Variants in E2F3 observed in about 807,000 individuals in gnomAD.
E2F3 encodes E2F transcription factor 3.
E2F3 carries 11 observed loss-of-function variants against 44.4 expected under a neutral mutation model. The observed-to-expected ratio is 0.25, with a 90% CI of 0.16 to 0.41. The LOEUF (loss-of-function observed/expected upper bound fraction) is 0.41, where lower values mean the gene tolerates loss of function less well. Among genes scored for constraint, E2F3 ranks in the 10% least tolerant of loss-of-function variants. The pLI is 1.00. For missense variants in E2F3, 487 were observed against 583.6 expected (o/e 0.83, Z 1.70); for synonymous variants, 249 against 253.0 (o/e 0.98, Z 0.15).
At chr6:20,425,575 G>C (rs1433224470) in intron 1 of E2F3, among the ~76,000 whole-genome samples, 1 of 152,128 alleles carries the variant, frequency 6.6e-6, no homozygotes, top group Non-Finnish European at 1.5e-5. Flanking sequence ...TTTTAGTAGA[G>C]ACGGGGTTTC....
intron 1 of E2F3, among the ~76,000 whole-genome samples, chr6:20,434,971 C>T (rs1241168980): frequency 1.3e-5 from 2 of 152,226 alleles, no homozygotes; most frequent in African/African-American, 2.4e-5. Context: ...AGGAACATGG[C>T]GCCAGGGCCG....
chr6:20,473,688 C>T (rs1307941789), intron 1 of E2F3, among the ~76,000 whole-genome samples: 2 of 152,136 alleles, frequency 1.3e-5, no homozygotes, highest in Admixed American at 6.5e-5. Flanking sequence ...TCAGCCTTTC[C>T]CCAGCTCTTC....
At chr6:20,480,081 T>G (rs1762172028) in intron 2 of E2F3, 124 bp downstream of exon 2, 1 of 1,433,774 alleles carries the variant, frequency 7.0e-7, no homozygotes, top group Non-Finnish European at 9.1e-7. Flanking sequence ...TTTCATTTCT[T>G]TCTGTGCTTA....
Position 20,490,212 on chromosome 6 carries a change from A to G in E2F3, c.1180A>G (p.Met394Val), listed in dbSNP as rs115470365. ...NSGHSDCSVS[M>V]GNLSPLASPA... ...AGGACATAGCGATTGCTCAGTTTCT[A>G]TGGGAAACCTTTCTCCTCTGGCCTC... The change falls in exon 7 of 7, where the codon ATG (methionine) becomes GTG (valine). Residue 394 changes from methionine to valine, a missense_variant. Transcript: ENST00000346618. The surrounding 1 kb of genome is among the most constrained non-coding windows in gnomAD (Gnocchi z 4.3). 37 of 1,613,820 alleles carry G rather than the reference A, an allele frequency of 2.3e-5. No individual in the cohort carries two copies. Among genetic ancestry groups the G allele is most frequent in the Middle Eastern group, 1.6e-4 (1 of 6,082 alleles).
chr6:20,446,136 CT>C (rs1014429582), intron 1 of E2F3, among the ~76,000 whole-genome samples: 18 of 149,750 alleles, frequency 1.2e-4, no homozygotes, highest in Non-Finnish European at 2.1e-4. Flanking sequence ...GCCAGGAATC[CT>C]TTTTTTTTTC....
chr6:20,450,384 C>CT (rs1161434060), intron 1 of E2F3, among the ~76,000 whole-genome samples: 1 of 152,068 alleles, frequency 6.6e-6, no homozygotes, highest in African/African-American at 2.4e-5. Flanking sequence ...TGACATTGAG[C>CT]TTTTTTTCAT....
At chr6:20,436,388 GGAA>G (rs1458970920) in intron 1 of E2F3, among the ~76,000 whole-genome samples, 4 of 151,850 alleles carry the variant, frequency 2.6e-5, no homozygotes, top group Non-Finnish European at 4.4e-5. Flanking sequence ...GGGCCACGTT[GGAA>G]GAAGACTTCT....
intron 1 of E2F3, among the ~76,000 whole-genome samples, chr6:20,408,437 A>G (rs551808841): frequency 3.5e-4 from 53 of 152,314 alleles, no homozygotes; most frequent in South Asian, 1.0e-3. Context: ...TCTAAAAGCA[A>G]TGTGTTTTTG....
chr6:20,492,714 AT>A lies in E2F3; in HGVS notation c.*2285del, dbSNP rs1762587166. The A allele has an allele frequency of 4.3e-6, 1 of 231,306 alleles. No individual in the cohort carries two copies. Among genetic ancestry groups the A allele is most frequent in the African/African-American group, 2.2e-5 (1 of 45,334 alleles). 14.3% of individuals were successfully genotyped at this position (231,306 alleles called of 1,614,324 possible). A position where few individuals can be genotyped will look rare whatever the true frequency, so the allele number is the denominator to read the frequency against. On this transcript the variant is annotated 3_prime_UTR_variant, in exon 7 of 7. Coordinates refer to ENST00000346618, the MANE Select transcript of E2F3 (RefSeq NM_001949.5). Reference sequence around the variant, plus strand: ...TGTTTTTAAAATGAAAGGAATACTAATAAGTCTTAAAAGTTCCTTCATGCAT... The same window carrying A: ...TGTTTTTAAAATGAAAGGAATACTAAAAGTCTTAAAAGTTCCTTCATGCAT...
Position 20,490,475 on chromosome 6 carries a change from C to G in E2F3, c.*45C>G, listed in dbSNP as rs191550792. 5.0e-5 allele frequency: 76 copies of G among 1,516,496 alleles called. No homozygotes were observed. Among genetic ancestry groups the G allele is most frequent in the Non-Finnish European group, 6.5e-5 (73 of 1,130,486 alleles). The allele number at this position is 1,516,496 out of a possible 1,614,324, so 93.9% of individuals were successfully genotyped here. ...TCCTTAAAAACCGATATTTTTTTAT[C>G]ATGGAACCAGAACATCTGTCATGCA... On this transcript the variant is annotated 3_prime_UTR_variant, in exon 7 of 7. Coordinates refer to ENST00000346618, the MANE Select transcript of E2F3 (RefSeq NM_001949.5). The surrounding 1 kb of genome is among the most constrained non-coding windows in gnomAD (Gnocchi z 4.3).
intron 1 of E2F3, among the ~76,000 whole-genome samples, chr6:20,407,331 T>C (rs1055553036): frequency 1.3e-5 from 2 of 152,086 alleles, no homozygotes; most frequent in African/African-American, 4.8e-5. Context: ...ACTCTAATCA[T>C]CCTCTGAAAC....
intron 1 of E2F3, among the ~76,000 whole-genome samples, chr6:20,427,442 G>A (rs1408715795): frequency 1.3e-5 from 2 of 152,130 alleles, no homozygotes; most frequent in Non-Finnish European, 2.9e-5. Flanking sequence ...GTTACATTGG[G>A]GTTTGCAGTG....
intron 1 of E2F3, among the ~76,000 whole-genome samples, chr6:20,419,282 T>C (rs1301627580): frequency 1.3e-5 from 2 of 152,244 alleles, no homozygotes; most frequent in Non-Finnish European, 2.9e-5. Context: ...TGGATATCTA[T>C]GTACATAAGT....
intron 1 of E2F3, among the ~76,000 whole-genome samples, chr6:20,465,141 A>T (rs1050226898): frequency 6.6e-6 from 1 of 152,182 alleles, no homozygotes; most frequent in Non-Finnish European, 1.5e-5. Context: ...CACCTCCCAG[A>T]CGATTTTCCC....
intron 1 of E2F3, among the ~76,000 whole-genome samples, chr6:20,408,837 G>T (rs568722821): frequency 1.3e-5 from 2 of 152,336 alleles, no homozygotes; most frequent in Non-Finnish European, 2.9e-5. Flanking sequence ...GGGGCCATTT[G>T]TGTGGTCTAG....
At chr6:20,487,962 A>G in intron 5 of E2F3, 151 bp from the exon 6 acceptor site, 1 of 1,071,362 alleles carries the variant, frequency 9.3e-7, no homozygotes, top group East Asian at 2.5e-5. Flanking sequence ...CCTGCTCTAG[A>G]GGATGACAGT....
At chr6:20,415,092 A>G (rs1433122078) in intron 1 of E2F3, among the ~76,000 whole-genome samples, 1 of 152,186 alleles carries the variant, frequency 6.6e-6, no homozygotes, top group Non-Finnish European at 1.5e-5. Context: ...TACCTCCTTC[A>G]GGGAAAACTA....
rs1759328460 is a variant in E2F3, at chr6:20,402,316, C to T, written c.84C>T (p.Ala28=). 5 of 1,609,766 alleles carry T rather than the reference C, an allele frequency of 3.1e-6. No individual in the cohort carries two copies. In the East Asian group the frequency reaches 6.7e-5, roughly 22 times the overall value. The change falls in exon 1 of 7, where the codon GCC becomes GCT. Residue 28 remains alanine, a synonymous_variant. Transcript: ENST00000346618. The surrounding 1 kb of genome is among the most constrained non-coding windows in gnomAD (Gnocchi z 5.6). ...AGGGGGCGGCTGTCGTCGCCGCCGC[C>T]GCTGCAGCCTCCATGGACAAAAGGG... ...GGEGAAVVAA[A]AAASMDKRAL...
chr6:20,453,727 A>T (rs1007425421), intron 1 of E2F3, among the ~76,000 whole-genome samples: 1 of 152,182 alleles, frequency 6.6e-6, no homozygotes, highest in African/African-American at 2.4e-5. Flanking sequence ...TTTTTTGTAG[A>T]TGGCTACCCA....
Sources: gnomAD v4.1 joint callset for allele counts (sites outside exome capture counted in the v4.1 genomes callset) on GRCh38, gnomAD v4.1.1 for gene constraint, Gnocchi (gnomAD v3.1) non-coding constraint, MANE v1.5 for transcripts, NCBI Gene and HGNC (gene_info 2026-07-23, HGNC 2026-07-21) for gene names.